UGT2B7: variants seen among roughly 807,000 people sequenced by gnomAD.
UGT2B7 encodes UDP-glucuronosyltransferase 2B7.
In UGT2B7, 51 loss-of-function variants were observed where a neutral mutation model predicts 51.9. That is an observed-to-expected ratio of 0.98 (90% CI 0.78 to 1.24). The LOEUF (loss-of-function observed/expected upper bound fraction) is 1.24, where lower values mean the gene tolerates loss of function less well. Among genes scored for constraint, UGT2B7 ranks in the 50% most tolerant of loss-of-function variants. The probability of loss-of-function intolerance (pLI) is 0.00; values close to 1 mark genes in which losing one functional copy is unlikely to be tolerated. For synonymous variants in UGT2B7, 225 were observed against 211.6 expected (o/e 1.06, Z -0.55); for missense variants, 727 against 628.4 (o/e 1.16, Z -1.68).
At chr4:69,076,917 T>A (rs1718719843) in intron 1 of UGT2B7, among the ~76,000 whole-genome samples, 1 of 152,198 alleles carries the variant, frequency 6.6e-6, no homozygotes, top group African/African-American at 2.4e-5. Flanking sequence ...TGATTTTAGG[T>A]CTTATGTGTA....
At chr4:69,080,294 T>A (rs552151136) in intron 1 of UGT2B7, among the ~76,000 whole-genome samples, 280 of 152,230 alleles carry the variant, frequency 1.8e-3, no homozygotes, top group Non-Finnish European at 3.4e-3. Flanking sequence ...ACACCTGTAA[T>A]CCCAGCACTT....
In UGT2B7 at chr4:69,068,656, A is replaced by G. The variant is rs115941164; in HGVS notation, c.-159+17054A>G. ...TTGGTTATTTGTGTTATGTAACCCA[A>G]TTGTATGAAAAAATATATCAGAATT... On this transcript the variant is annotated intron_variant, in intron 1 of 5. Transcript: ENST00000502942. 4.2e-3 allele frequency among the ~76,000 whole-genome samples: 633 copies of G among 152,038 alleles called. 2 individuals carry two copies. Among genetic ancestry groups the G allele is most frequent in the African/African-American group, 0.015 (618 of 41,504 alleles).
chr4:69,093,937 G>C (rs1252839543), upstream of UGT2B7, among the ~76,000 whole-genome samples: 1 of 152,122 alleles, frequency 6.6e-6, no homozygotes, highest in African/African-American at 2.4e-5. Flanking sequence ...CTTTGTGAGA[G>C]CCATGCATAT....
intron 1 of UGT2B7, among the ~76,000 whole-genome samples, chr4:69,075,401 C>T (rs1417304684): frequency 1.3e-5 from 2 of 152,076 alleles, no homozygotes; most frequent in African/African-American, 4.8e-5. Flanking sequence ...CTCTCTTTCT[C>T]TCTCCTTCTC....
At chr4:69,104,472 C>T (rs1193246976) in intron 3 of UGT2B7, among the ~76,000 whole-genome samples, 1 of 151,424 alleles carries the variant, frequency 6.6e-6, no homozygotes, top group Non-Finnish European at 1.5e-5. Flanking sequence ...ATGGATATGA[C>T]AAATTAAAAA....
chr4:69,076,892 C>T (rs1252048999), intron 1 of UGT2B7, among the ~76,000 whole-genome samples: 1 of 152,102 alleles, frequency 6.6e-6, no homozygotes, highest in Non-Finnish European at 1.5e-5. Flanking sequence ...CCTAGGTTTT[C>T]TTCTAGGATT....
At chr4:69,081,466 CT>C (rs1370804948) in intron 1 of UGT2B7, among the ~76,000 whole-genome samples, 2 of 152,050 alleles carry the variant, frequency 1.3e-5, no homozygotes, top group African/African-American at 4.8e-5. Flanking sequence ...ACTGGCTTTC[CT>C]TAAAACTAGA....
At chr4:69,076,712 A>G (rs55778959) in intron 1 of UGT2B7, among the ~76,000 whole-genome samples, 11 of 151,818 alleles carry the variant, frequency 7.2e-5, no homozygotes, top group Admixed American at 7.2e-4. Flanking sequence ...GATTAAAAAA[A>G]TTTTTCCCAT....
At chr4:69,078,915 T>C (rs991735473) in intron 1 of UGT2B7, among the ~76,000 whole-genome samples, 2 of 152,104 alleles carry the variant, frequency 1.3e-5, no homozygotes, top group Admixed American at 6.6e-5. Flanking sequence ...CTGCCATACT[T>C]GGGTTTCCTG....
intron 1 of UGT2B7, among the ~76,000 whole-genome samples, chr4:69,068,758 A>T (rs1369888842): frequency 6.6e-6 from 1 of 151,854 alleles, no homozygotes; most frequent in Non-Finnish European, 1.5e-5. Context: ...CTCCATTGCT[A>T]TTGCTACAGT....
intron 1 of UGT2B7, chr4:69,069,768 C>T (rs1366333950): frequency 6.6e-6 from 1 of 152,658 alleles, no homozygotes; most frequent in African/African-American, 2.4e-5. Context: ...AACAGTCTCA[C>T]CTGGTTCCAG....
At chr4:69,066,697 C>T (rs1718490050) in intron 1 of UGT2B7, among the ~76,000 whole-genome samples, 1 of 152,066 alleles carries the variant, frequency 6.6e-6, no homozygotes, top group Non-Finnish European at 1.5e-5. Context: ...TAGTCACATT[C>T]TTTATGGCCA....
At chr4:69,061,189 G>A (rs943996594) in intron 1 of UGT2B7, among the ~76,000 whole-genome samples, 1 of 152,222 alleles carries the variant, frequency 6.6e-6, no homozygotes, top group African/African-American at 2.4e-5. Context: ...AGACCAGAAG[G>A]CAAATATTTA....
chr4:69,080,416 C>T (rs1008437352), intron 1 of UGT2B7, among the ~76,000 whole-genome samples: 2 of 151,774 alleles, frequency 1.3e-5, no homozygotes, highest in East Asian at 1.9e-4. Context: ...GGCATGGTAG[C>T]ACATGCCTGC....
At chr4:69,107,073 T>C (rs1719622041) in intron 3 of UGT2B7, 102 bp from the exon 4 acceptor site, 1 of 1,285,640 alleles carries the variant, frequency 7.8e-7, no homozygotes, top group Non-Finnish European at 1.1e-6. Context: ...AGTTCTTATT[T>C]ACTAACATCC....
In UGT2B7 at chr4:69,112,787, T is replaced by C. The variant is rs1056296634; in HGVS notation, c.*51T>C. On this transcript the variant is annotated 3_prime_UTR_variant, in exon 6 of 6. Coordinates refer to ENST00000305231, the MANE Select transcript of UGT2B7 (RefSeq NM_001074.4). ...AACCTGATAGGTGAGACTACTTCAG[T>C]TTATTCCAGCAAGAAAGATTGTGAT... The C allele has an allele frequency of 1.9e-6, 3 of 1,563,368 alleles. No individual in the cohort carries two copies. Among genetic ancestry groups the C allele is most frequent in the Admixed American group, 3.9e-5 (2 of 50,934 alleles).
rs1431525428 is a variant in UGT2B7, at chr4:69,064,090, AAGAAAG to A, written c.-159+12496_-159+12501del. The stretch of plus-strand genomic sequence containing the variant: ...AAAGAAAGAAAGAAAGAAAGAAAGA[AAGAAAG>A]AGAAAGAAAGAAAGAAAAAGAAAGA... On this transcript the variant is annotated intron_variant, in intron 1 of 5. Transcript: ENST00000502942. 3.2e-4 allele frequency among the ~76,000 whole-genome samples: 31 copies of A among 97,568 alleles called. 1 individual carries two copies. Among genetic ancestry groups the A allele is most frequent in the African/African-American group, 5.2e-4 (11 of 21,082 alleles). 64.0% of individuals were successfully genotyped at this position (97,568 alleles called of 152,430 possible).
upstream of UGT2B7, among the ~76,000 whole-genome samples, chr4:69,091,975 C>T (rs1336231835): frequency 2.6e-5 from 4 of 152,276 alleles, no homozygotes; most frequent in African/African-American, 9.6e-5. Flanking sequence ...CAAGGTCTTG[C>T]TCTGTCACCC....
At position 69,108,156 on chromosome 4, in the gene UGT2B7, G is replaced by A. The variant is rs1168700695; in HGVS notation, c.1144G>A (p.Glu382Lys). 8 of 1,613,464 alleles carry A rather than the reference G, an allele frequency of 5.0e-6. No individual in the cohort carries two copies. Among genetic ancestry groups the A allele is most frequent in the Non-Finnish European group, 6.8e-6 (8 of 1,179,656 alleles). ...TCATGGTGGAGCCAATGGCATCTAC[G>A]AGGCAATCTACCATGGGATCCCTAT... ...ITHGGANGIY[E>K]AIYHGIPMVG... Residue 382 changes from glutamate to lysine, a missense_variant, in exon 5 of 6, where the codon GAG becomes AAG. Coordinates refer to ENST00000305231, the MANE Select transcript of UGT2B7 (RefSeq NM_001074.4).
Sources: allele counts gnomAD v4.1 joint callset (sites outside exome capture counted in the v4.1 genomes callset), GRCh38; gene constraint gnomAD v4.1.1; transcripts MANE v1.5; gene names NCBI Gene and HGNC (gene_info 2026-07-23, HGNC 2026-07-21).